NEB: variants seen among roughly 807,000 people sequenced by gnomAD.
NEB encodes the protein nebulin.
Under a neutral mutation model 952.2 loss-of-function variants are expected in NEB, and 512 were observed. The observed-to-expected ratio is 0.54, with a 90% CI of 0.50 to 0.58. NEB has a LOEUF of 0.58. Ranked by LOEUF, NEB falls within the 20% of genes least tolerant of loss-of-function variation. NEB has a pLI of 0.00. For synonymous variants in NEB, 2,900 were observed against 3,149.8 expected (o/e 0.92, Z 2.66); for missense variants, 8,428 against 9,231.1 (o/e 0.91, Z 3.56).
intron 157 of NEB, 94 bp from the exon 158 acceptor site, chr2:151,515,022 A>G (rs1483063027): frequency 1.9e-5 from 14 of 737,094 alleles, no homozygotes; most frequent in African/African-American, 1.1e-4. Flanking sequence ...AGCATTTTCT[A>G]TGTATGGGCT....
At position 151,629,642 on chromosome 2, in the gene NEB, A is replaced by T; in HGVS notation, c.9728T>A (p.Leu3243Gln). Residue 3243 changes from leucine to glutamine, a missense_variant, in exon 68 of 182, where the codon CTA (leucine) becomes CAA (glutamine). Leu to Gln is a moderately radical substitution (Grantham distance 113). This residue lies in a region of NEB where 1,772 missense variants were observed against 1,960.3 expected (regional missense o/e 0.90). Coordinates refer to ENST00000397345, the MANE Select transcript of NEB (RefSeq NM_001164508.2). The stretch of plus-strand genomic sequence containing the variant: ...TGCTTCTTCATTGGCAAGTTTGTAT[A>T]GAGTCTATGAAAAGAAAGGCAAAGA... ...RQNKINYSET[L>Q]YKLANEEAKK... The T allele has an allele frequency of 6.2e-7, 1 of 1,613,006 alleles. No individual in the cohort carries two copies. The highest frequency in any genetic ancestry group is 1.3e-5 in the African/African-American group (1 of 75,036).
At chr2:151,565,426 G>A (rs2096315145) in intron 116 of NEB, 75 bp downstream of exon 116, 2 of 1,048,712 alleles carry the variant, frequency 1.9e-6, no homozygotes, top group Non-Finnish European at 2.9e-6. Flanking sequence ...ATTATCTAAA[G>A]TTAAGCTAAT....
chr2:151,534,292 G>A lies in NEB; in HGVS notation c.21313-746C>T, dbSNP rs186686151. 69 of 1,613,416 alleles carry A rather than the reference G, an allele frequency of 4.3e-5. No homozygotes were observed. The East Asian group carries it at 1.1e-3, about 26-fold the overall frequency. On this transcript the variant is annotated intron_variant, in intron 142 of 181. Coordinates refer to ENST00000397345, the MANE Select transcript of NEB (RefSeq NM_001164508.2). ...ACTACCAGGTGGTATTTATCTTTCC[G>A]CTGCTCATAATCAGCTCTGTATTTT...
rs1364051042 is a variant in NEB, at chr2:151,505,484, A to T, written c.23736T>A (p.Ile7912=). The change falls in exon 165 of 182, where the codon ATT becomes ATA. Residue 7912 remains isoleucine (I), a synonymous_variant. Coordinates refer to ENST00000397345, the MANE Select transcript of NEB (RefSeq NM_001164508.2). ...VKRVKETQKH[I]SSVMYKENLG... is the part of the protein sequence containing the mutation. The stretch of plus-strand genomic sequence containing the variant: ...CTGAGAGTATGGCCACTACCGAGCT[A>T]ATGTGCTTCTGCGTCTCCTTCACAC... 6.2e-7 allele frequency: 1 copy of T among 1,613,406 alleles called. No homozygotes were observed. Among genetic ancestry groups the T allele is most frequent in the Non-Finnish European group, 8.5e-7 (1 of 1,179,502 alleles).
chr2:151,540,883 C>T, intron 136 of NEB, 82 bp from the exon 137 acceptor site: 2 of 1,183,952 alleles, frequency 1.7e-6, no homozygotes, highest in South Asian at 2.5e-5. Context: ...CATTTCTAAC[C>T]ATTCAGTGGG....
At chr2:151,649,406 A>C (rs2154132152) in intron 54 of NEB, among the ~76,000 whole-genome samples, 1 of 152,302 alleles carries the variant, frequency 6.6e-6, no homozygotes, top group East Asian at 1.9e-4. Context: ...TATTACATAT[A>C]GTATATATAT....
In NEB at chr2:151,569,299, T is replaced by C; in HGVS notation, c.17504A>G (p.His5835Arg). The C allele has an allele frequency of 6.2e-7, 1 of 1,613,978 alleles. No homozygotes were observed. Among genetic ancestry groups the C allele is most frequent in the South Asian group, 1.1e-5 (1 of 91,086 alleles). Reference sequence around the variant, plus strand: ...GAAGATGTCCGCGGCATGTTTGGCATGATTGACGGACACGGAGTCATTTGG... The same window carrying C: ...GAAGATGTCCGCGGCATGTTTGGCACGATTGACGGACACGGAGTCATTTGG... ...WMPNDSVSVNHAKHAADIFSE... is the reference protein window; with the variant it reads ...WMPNDSVSVNRAKHAADIFSE... Residue 5835 changes from histidine to arginine, a missense_variant, in exon 110 of 182, where the codon CAT becomes CGT. His to Arg is a conservative substitution (Grantham distance 29). Around this residue, in one of 11 missense-constraint regions of NEB, gnomAD observed 3,374 missense variants for 3,651.5 expected, o/e 0.92. Coordinates refer to ENST00000397345, the MANE Select transcript of NEB (RefSeq NM_001164508.2).
chr2:151,656,125 C>G, intron 49 of NEB, 28 bp downstream of exon 49: 1 of 1,574,700 alleles, frequency 6.4e-7, no homozygotes, highest in East Asian at 2.2e-5. Flanking sequence ...AGGATTCCAA[C>G]CATCACCCAA....
In NEB at chr2:151,645,396, A is replaced by C. The variant is rs1217384110; in HGVS notation, c.7536+734T>G. Among the ~76,000 whole-genome samples, 4 of 152,364 alleles carry C rather than the reference A, an allele frequency of 2.6e-5. No homozygotes were observed. The East Asian group carries it at 5.8e-4, about 22-fold the overall frequency. ...CATCTATAGGTAAGATACTGAGTCC[A>C]CCATAATTTCTAAAACTTATGTTTT... On this transcript the variant is annotated intron_variant, in intron 55 of 181. Coordinates refer to ENST00000397345, the MANE Select transcript of NEB (RefSeq NM_001164508.2).
At position 151,643,068 on chromosome 2, in the gene NEB, A is replaced by T. The variant is rs1432328370; in HGVS notation, c.8160+82T>A. 7 of 1,422,676 alleles carry T rather than the reference A, an allele frequency of 4.9e-6. No homozygotes were observed. In the East Asian group the frequency reaches 9.1e-5, roughly 19 times the overall value. 88.1% of individuals were successfully genotyped at this position (1,422,676 alleles called of 1,614,324 possible). A position where few individuals can be genotyped will look rare whatever the true frequency, so the allele number is the denominator to read the frequency against. ...GTACCAAGCAAAGGAATCAAAAACA[A>T]GTTTTCTTTTATACAAACAGACTTC... On this transcript the variant is annotated intron_variant, in intron 58 of 181. Coordinates refer to ENST00000397345, the MANE Select transcript of NEB (RefSeq NM_001164508.2).
chr2:151,541,032 T>C (rs1035074696), intron 136 of NEB, among the ~76,000 whole-genome samples: 1 of 152,020 alleles, frequency 6.6e-6, no homozygotes, highest in South Asian at 2.1e-4. Context: ...TACCACTGAG[T>C]ATGATCCAAG....
intron 71 of NEB, among the ~76,000 whole-genome samples, chr2:151,622,303 T>A (rs2098434698): frequency 6.6e-6 from 1 of 152,222 alleles, no homozygotes; most frequent in Non-Finnish European, 1.5e-5. Flanking sequence ...TGGTAAAGTT[T>A]CGTTTTAATA....
At chr2:151,657,949 C>T (rs772581783) in intron 48 of NEB, 34 bp downstream of exon 48, 1 of 1,473,090 alleles carries the variant, frequency 6.8e-7, no homozygotes, top group South Asian at 1.2e-5. Context: ...TCCTTAGAAA[C>T]CCCCAGCCAG....
chr2:151,516,444 GTTTT>G lies in NEB; in HGVS notation c.22905+11_22905+14del. The G allele has an allele frequency of 6.4e-7, 1 of 1,567,456 alleles. No homozygotes were observed. Among genetic ancestry groups the G allele is most frequent in the Non-Finnish European group, 8.8e-7 (1 of 1,139,186 alleles). On this transcript the variant is annotated intron_variant, in intron 157 of 181. Coordinates refer to ENST00000397345, the MANE Select transcript of NEB (RefSeq NM_001164508.2). The stretch of plus-strand genomic sequence containing the variant: ...TGATGGATCATTGTTGTGTGGTGTG[GTTTT>G]TTTGACTTACCCCACTCTGCATCTG...
chr2:151,643,253 C>T lies in NEB; in HGVS notation c.8057G>A (p.Ser2686Asn). 1 of 1,613,846 alleles carries T rather than the reference C, an allele frequency of 6.2e-7. No homozygotes were observed. Among genetic ancestry groups the T allele is most frequent in the Non-Finnish European group, 8.5e-7 (1 of 1,179,818 alleles). ...EKNKRATQIL[S>N]DHVYRQHPDQ... ...TGGGTGCTGACGGTAAACATGGTCA[C>T]TCAAAATCTGGGTGGCTCGTTTATT... The change falls in exon 58 of 182, where the codon AGT becomes AAT. Residue 2686 changes from serine to asparagine, a missense_variant. By Grantham distance (46) the Ser-to-Asn change is conservative (BLOSUM62 1). Transcript: ENST00000397345.
intron 92 of NEB, among the ~76,000 whole-genome samples, 165 bp from the exon 93 acceptor site, chr2:151,594,483 C>T (rs538853596): frequency 1.4e-4 from 21 of 151,514 alleles, no homozygotes; most frequent in Admixed American, 4.6e-4. Flanking sequence ...TTAGATAATA[C>T]GATTTTAGGT....
At chr2:151,698,221 T>C (rs939486565) in intron 13 of NEB, among the ~76,000 whole-genome samples, 3 of 152,268 alleles carry the variant, frequency 2.0e-5, no homozygotes, top group Non-Finnish European at 4.4e-5. Context: ...TCTTTCTTTT[T>C]TTTGTAACAG....
Position 151,562,721 on chromosome 2 carries a change from G to A in NEB, c.18781C>T (p.Gln6261Ter). The part of the protein sequence containing the change: ...MMNHVLAKRC[Q>*]YILSDLEYRH... ...TACTCCAGGTCACTGAGGATGTACT[G>A]GCACCTTTTAGCCAGCACGTGATTC... Residue 6261 changes from glutamine to a stop codon, truncating the protein, a stop_gained, in exon 120 of 182, where the codon CAG becomes TAG. Transcript: ENST00000397345. LOFTEE classifies it high-confidence loss of function. The A allele has an allele frequency of 6.2e-7, 1 of 1,606,024 alleles. No homozygotes were observed. Among genetic ancestry groups the A allele is most frequent in the Non-Finnish European group, 8.5e-7 (1 of 1,175,774 alleles).
At chr2:151,521,832 A>C (rs1384325685) in intron 153 of NEB, among the ~76,000 whole-genome samples, 1 of 152,208 alleles carries the variant, frequency 6.6e-6, no homozygotes, top group African/African-American at 2.4e-5. Flanking sequence ...ACAACTACTA[A>C]TATGAATCTG....
Sources: gnomAD v4.1 joint callset for allele counts (sites outside exome capture counted in the v4.1 genomes callset) on GRCh38, gnomAD v4.1.1 for gene constraint, gnomAD v4.1.1 regional missense constraint, MANE v1.5 for transcripts, NCBI Gene and HGNC (gene_info 2026-07-23, HGNC 2026-07-21) for gene names.